Variants in BMAL2 observed in about 807,000 individuals in gnomAD.
BMAL2 encodes basic helix-loop-helix ARNT-like protein 2.
chr12:27,368,462 A>G, the BMAL2 span: 17 of 1,578,034 alleles, frequency 1.1e-5, no homozygotes, highest in South Asian at 1.7e-4. Context: ...CTTTAGGGAG[A>G]AGAGGAAAAT....
At chr12:27,350,156 C>T in the BMAL2 span, among the ~76,000 whole-genome samples, 2 of 152,356 alleles carry the variant, frequency 1.3e-5, no homozygotes, top group African/African-American at 4.8e-5. Context: ...TTCCTTGCCT[C>T]CAACAACAAC....
the BMAL2 span, among the ~76,000 whole-genome samples, chr12:27,362,024 CAA>C: frequency 7.3e-6 from 1 of 136,650 alleles, no homozygotes. Flanking sequence ...GAATGGGAGG[CAA>C]AAAAAAAAAA....
chr12:27,362,580 C>T, the BMAL2 span, among the ~76,000 whole-genome samples: 6 of 152,212 alleles, frequency 3.9e-5, no homozygotes, highest in African/African-American at 1.2e-4. Context: ...CCTTTCTTTT[C>T]CCGAAGAGAA....
the BMAL2 span, among the ~76,000 whole-genome samples, chr12:27,382,693 G>A: frequency 6.6e-6 from 1 of 152,174 alleles, no homozygotes; most frequent in Non-Finnish European, 1.5e-5. Context: ...CCCCACACTT[G>A]CTCGGCAAAA....
At chr12:27,389,331 G>A in the BMAL2 span, 1 of 1,393,736 alleles carries the variant, frequency 7.2e-7, no homozygotes, top group Non-Finnish European at 1.0e-6. Context: ...ATTATTTTAT[G>A]TAAATGTAAT....
At chr12:27,347,619 T>TA in the BMAL2 span, among the ~76,000 whole-genome samples, 20 of 151,744 alleles carry the variant, frequency 1.3e-4, no homozygotes, top group African/African-American at 3.6e-4. Flanking sequence ...AGCTTTTTTT[T>TA]AAAAAAAATA....
At chr12:27,408,110 C>T in the BMAL2 span, among the ~76,000 whole-genome samples, 1 of 152,018 alleles carries the variant, frequency 6.6e-6, no homozygotes, top group South Asian at 2.1e-4. Flanking sequence ...AATAGCTTAC[C>T]AACCAAAAAA....
At chr12:27,396,644 C>G in the BMAL2 span, among the ~76,000 whole-genome samples, 1 of 152,244 alleles carries the variant, frequency 6.6e-6, no homozygotes, top group Non-Finnish European at 1.5e-5. Flanking sequence ...AGGATGTTCA[C>G]TCCCACGCCA....
At chr12:27,402,771 A>G in the BMAL2 span, 1 of 1,191,998 alleles carries the variant, frequency 8.4e-7, no homozygotes, top group South Asian at 1.6e-5. Context: ...GGAAAATTTG[A>G]AGGTGAAATT....
At chr12:27,417,077 C>T in the BMAL2 span, among the ~76,000 whole-genome samples, 77 of 152,100 alleles carry the variant, frequency 5.1e-4, no homozygotes, top group Middle Eastern at 3.4e-3. Flanking sequence ...ATCCATTTTG[C>T]GTGAGGCAGG....
the BMAL2 span, among the ~76,000 whole-genome samples, chr12:27,372,752 C>T: frequency 6.6e-6 from 1 of 152,172 alleles, no homozygotes; most frequent in African/African-American, 2.4e-5. Flanking sequence ...CGGCTCACTG[C>T]AAGCTCTGCC....
the BMAL2 span, chr12:27,394,424 C>T: frequency 1.4e-4 from 21 of 152,044 alleles, no homozygotes; most frequent in African/African-American, 5.1e-4. Context: ...TAATACTTGC[C>T]TCCCACACGA....
the BMAL2 span, among the ~76,000 whole-genome samples, chr12:27,344,996 A>G: frequency 6.6e-6 from 1 of 151,770 alleles, no homozygotes; most frequent in Non-Finnish European, 1.5e-5. Context: ...CATTTTCATC[A>G]CTCTCTTGGT....
chr12:27,404,616 T>G, the BMAL2 span, among the ~76,000 whole-genome samples: 1 of 152,094 alleles, frequency 6.6e-6, no homozygotes, highest in Non-Finnish European at 1.5e-5. Flanking sequence ...CTAAAGCTTT[T>G]CGGGTGGAGC....
chr12:27,387,116 G>C, the BMAL2 span: 6 of 716,306 alleles, frequency 8.4e-6, no homozygotes, highest in African/African-American at 1.8e-5. Context: ...TGACTACTCT[G>C]TTAGTTTTAT....
At chr12:27,410,511 C>T in the BMAL2 span, among the ~76,000 whole-genome samples, 976 of 152,146 alleles carry the variant, frequency 6.4e-3, 4 homozygotes, top group Middle Eastern at 0.02. Flanking sequence ...AACCAAACAC[C>T]GCATGTTCTC....
chr12:27,394,518 CT>C, the BMAL2 span: 1 of 152,114 alleles, frequency 6.6e-6, no homozygotes, highest in Non-Finnish European at 1.5e-5. Flanking sequence ...AGTGACAATC[CT>C]CTTGTCCTTT....
At chr12:27,403,821 G>A in the BMAL2 span, among the ~76,000 whole-genome samples, 1 of 152,058 alleles carries the variant, frequency 6.6e-6, no homozygotes, top group African/African-American at 2.4e-5. Flanking sequence ...TGTAAGAATT[G>A]TCCTGTTCCT....
At chr12:27,404,658 A>G in the BMAL2 span, among the ~76,000 whole-genome samples, 8 of 152,180 alleles carry the variant, frequency 5.3e-5, no homozygotes, top group Admixed American at 2.6e-4. Flanking sequence ...GCTCCAGTCT[A>G]CAGCTCCCAG....
Sources: allele counts gnomAD v4.1 joint callset (sites outside exome capture counted in the v4.1 genomes callset), GRCh38; gene constraint gnomAD v4.1.1; transcripts MANE v1.5; gene names NCBI Gene and HGNC (gene_info 2026-07-23, HGNC 2026-07-21).